The following DGKD variants were observed in gnomAD, a reference collection of about 807,000 sequenced individuals.
The protein encoded by DGKD is DAG kinase delta.
In DGKD, 68 loss-of-function variants were observed where a neutral mutation model predicts 154.4. The ratio of observed to expected loss-of-function variants is 0.44; its 90% CI spans 0.36 to 0.54. The LOEUF is 0.54. Ranked by LOEUF, DGKD falls within the 20% of genes least tolerant of loss-of-function variation. DGKD has a pLI of 0.00. For missense variants in DGKD, 1,343 were observed against 1,593.6 expected (o/e 0.84, Z 2.68); for synonymous variants, 693 against 638.0 (o/e 1.09, Z -1.30).
chr2:233,424,056 G>A (rs903872463), intron 3 of DGKD, among the ~76,000 whole-genome samples: 24 of 152,228 alleles, frequency 1.6e-4, no homozygotes, highest in Admixed American at 1.2e-3. Context: ...ATTTGGACCC[G>A]TGAAAAGTGA....
intron 3 of DGKD, among the ~76,000 whole-genome samples, chr2:233,421,760 C>G (rs183574207): frequency 6.6e-6 from 1 of 152,332 alleles, no homozygotes; most frequent in Non-Finnish European, 1.5e-5. Context: ...TTGTCACCAG[C>G]TACTACTCTC....
At chr2:233,423,628 C>CT (rs1422806677) in intron 3 of DGKD, among the ~76,000 whole-genome samples, 2 of 152,136 alleles carry the variant, frequency 1.3e-5, no homozygotes, top group African/African-American at 2.4e-5. Context: ...TCTGGATACT[C>CT]TGTTAGGTGA....
chr2:233,422,906 C>T (rs1278851459), intron 3 of DGKD, among the ~76,000 whole-genome samples: 1 of 152,142 alleles, frequency 6.6e-6, no homozygotes, highest in East Asian at 1.9e-4. Context: ...TCCTTGTGCC[C>T]TTTTACAGCC....
At position 233,437,489 on chromosome 2, in the gene DGKD, A is replaced by G; in HGVS notation, c.922+10A>G. 1 of 1,612,810 alleles carries G rather than the reference A, an allele frequency of 6.2e-7. No homozygotes were observed. The highest frequency in any genetic ancestry group is 8.5e-7 in the Non-Finnish European group (1 of 1,178,962). The stretch of plus-strand genomic sequence containing the variant: ...AGCATCGACTCCGATGGTGGGTACC[A>G]CACATGCTTATCCTTCTCATGCACG... On this transcript the variant is annotated intron_variant, in intron 8 of 29. Coordinates refer to ENST00000264057, the MANE Select transcript of DGKD (RefSeq NM_152879.3).
Position 233,390,896 on chromosome 2 carries a change from G to A in DGKD, c.348+413G>A, listed in dbSNP as rs1254006801. 3.3e-5 allele frequency among the ~76,000 whole-genome samples: 5 copies of A among 152,210 alleles called. No homozygotes were observed. The East Asian group carries it at 9.6e-4, about 29-fold the overall frequency. On this transcript the variant is annotated intron_variant, in intron 3 of 29. Coordinates refer to ENST00000264057, the MANE Select transcript of DGKD (RefSeq NM_152879.3). ...TTACAGGCATGTGCCACCACACCTG[G>A]CTAATTTTGTATTTTTAGTAGAGAC... is the stretch of plus-strand genomic sequence containing the variant.
intron 3 of DGKD, among the ~76,000 whole-genome samples, chr2:233,420,278 A>AT (rs2062072435): frequency 6.6e-6 from 1 of 152,148 alleles, no homozygotes; most frequent in African/African-American, 2.4e-5. Flanking sequence ...AACTACAAAT[A>AT]TAGGGCATGG....
intron 1 of DGKD, among the ~76,000 whole-genome samples, chr2:233,386,409 G>T (rs979424465): frequency 3.3e-5 from 5 of 152,214 alleles, no homozygotes; most frequent in Non-Finnish European, 5.9e-5. Flanking sequence ...CCATTTCCCA[G>T]TCCTTCACAC....
At chr2:233,359,262 AAT>A (rs1205493870) in intron 1 of DGKD, among the ~76,000 whole-genome samples, 2 of 152,186 alleles carry the variant, frequency 1.3e-5, no homozygotes, top group African/African-American at 4.8e-5. Flanking sequence ...AAACATGGAA[AAT>A]ATTAGTTCTT....
At chr2:233,433,949 A>G (rs753797174) in intron 3 of DGKD, among the ~76,000 whole-genome samples, 2 of 152,218 alleles carry the variant, frequency 1.3e-5, no homozygotes, top group African/African-American at 2.4e-5. Context: ...TATGTGATAC[A>G]TGCTCATGGT....
In DGKD at chr2:233,448,259, T is replaced by C. The variant is rs1370232362; in HGVS notation, c.1515-17T>C. ...AGCTGCCTCTCTAGAAGGGTCTTTC[T>C]GTTTTTCTCCCCACAGAGTGCTCTG... On this transcript the variant is annotated splice_polypyrimidine_tract_variant and intron_variant, in intron 13 of 29. Coordinates refer to ENST00000264057, the MANE Select transcript of DGKD (RefSeq NM_152879.3). The C allele has an allele frequency of 2.5e-6, 4 of 1,614,020 alleles. No individual in the cohort carries two copies. Among genetic ancestry groups the C allele is most frequent in the Non-Finnish European group, 3.4e-6 (4 of 1,180,008 alleles).
chr2:233,417,791 T>G (rs1044075194), intron 3 of DGKD, among the ~76,000 whole-genome samples: 6 of 152,160 alleles, frequency 3.9e-5, no homozygotes, highest in Non-Finnish European at 7.4e-5. Context: ...GAGATTGGCC[T>G]GAAGAGGACA....
intron 1 of DGKD, among the ~76,000 whole-genome samples, chr2:233,361,339 C>G (rs1701772558): frequency 6.6e-6 from 1 of 152,256 alleles, no homozygotes; most frequent in Non-Finnish European, 1.5e-5. Flanking sequence ...AGATTCCCAA[C>G]AGAAGCAAAC....
At chr2:233,385,919 A>G in intron 1 of DGKD, 1 of 470,944 alleles carries the variant, frequency 2.1e-6, no homozygotes, top group Non-Finnish European at 4.4e-6. Flanking sequence ...CTCTTGTTAT[A>G]AATAAAGCAG....
At chr2:233,451,919 G>C in intron 17 of DGKD, 45 bp from the exon 18 acceptor site, 1 of 1,554,136 alleles carries the variant, frequency 6.4e-7, no homozygotes, top group Non-Finnish European at 8.9e-7. Flanking sequence ...TCCTAAGGCT[G>C]TAGCTCCTGA....
In DGKD at chr2:233,434,842, A is replaced by G. The variant is rs1479334311; in HGVS notation, c.527A>G (p.Tyr176Cys). The G allele has an allele frequency of 6.2e-7, 1 of 1,614,192 alleles. No individual in the cohort carries two copies. The highest frequency in any genetic ancestry group is 1.7e-5 in the Admixed American group (1 of 60,034). Residue 176 changes from tyrosine to cysteine, a missense_variant, in exon 5 of 30, where the codon TAC becomes TGC. By Grantham distance (194) the Tyr-to-Cys change is radical. Transcript: ENST00000264057. ...GCCTGTTCCCACGCGAGGCCGACCT[A>G]CTGCAATGTGTGCCGTGAGGCTCTG... Reference protein sequence around the residue: ...WYACSHARPTYCNVCREALSG... With the variant: ...WYACSHARPTCCNVCREALSG...
chr2:233,442,282 G>A (rs138132193), intron 10 of DGKD: 371 of 554,272 alleles, frequency 6.7e-4, no homozygotes, highest in Admixed American at 2.6e-3. Flanking sequence ...AGCAGGGCTG[G>A]GTGGGGCTGT....
chr2:233,463,249 C>T (rs187740587), intron 26 of DGKD, among the ~76,000 whole-genome samples: 18 of 152,234 alleles, frequency 1.2e-4, no homozygotes, highest in African/African-American at 3.9e-4. Context: ...CCCTCCACTC[C>T]GCACGCCACT....
At chr2:233,370,348 G>A (rs1185617821) in intron 1 of DGKD, among the ~76,000 whole-genome samples, 8 of 151,958 alleles carry the variant, frequency 5.3e-5, no homozygotes, top group Middle Eastern at 3.4e-3. Flanking sequence ...CCAGTAGCTG[G>A]CATTACAGGT....
chr2:233,453,227 G>T (rs1396449113), intron 18 of DGKD, among the ~76,000 whole-genome samples: 4 of 152,132 alleles, frequency 2.6e-5, no homozygotes, highest in Non-Finnish European at 2.9e-5. Context: ...TGTGGTGTGT[G>T]CCTGGGCCGT....
Sources: allele counts gnomAD v4.1 joint callset (sites outside exome capture counted in the v4.1 genomes callset), GRCh38; gene constraint gnomAD v4.1.1; transcripts MANE v1.5; gene names NCBI Gene and HGNC (gene_info 2026-07-23, HGNC 2026-07-21).